The following ANO5 variants were observed in gnomAD, a reference collection of about 807,000 sequenced individuals.
The protein encoded by ANO5 is anoctamin 5.
In ANO5, 109 loss-of-function variants were observed where a neutral mutation model predicts 121.0. The ratio of observed to expected loss-of-function variants is 0.90; its 90% CI spans 0.77 to 1.06. ANO5 has a LOEUF of 1.06. Ranked by LOEUF, ANO5 falls within the 50% of genes least tolerant of loss-of-function variation. ANO5 has a pLI of 0.00. For missense variants in ANO5, 1,064 were observed against 1,078.5 expected, an observed-to-expected ratio of 0.99 and a Z score of 0.19; for synonymous variants, 406 against 359.9, an observed-to-expected ratio of 1.13 and a Z score of -1.45.
At chr11:22,216,924 A>G (rs997829828) in intron 3 of ANO5, among the ~76,000 whole-genome samples, 4 of 151,934 alleles carry the variant, frequency 2.6e-5, no homozygotes, top group African/African-American at 9.7e-5. Flanking sequence ...TTTAGGGAAA[A>G]CATCTGAGAA....
intron 7 of ANO5, among the ~76,000 whole-genome samples, chr11:22,234,313 C>A (rs952319323): frequency 6.6e-6 from 1 of 152,040 alleles, no homozygotes; most frequent in African/African-American, 2.4e-5. Flanking sequence ...TTGACATTAT[C>A]TCATCCCTTC....
intron 18 of ANO5, among the ~76,000 whole-genome samples, chr11:22,271,342 C>T (rs1216108960): frequency 6.6e-6 from 1 of 152,172 alleles, no homozygotes; most frequent in East Asian, 1.9e-4. Context: ...GCCACAGCGC[C>T]CAGCCAGGAA....
intron 7 of ANO5, among the ~76,000 whole-genome samples, chr11:22,234,642 A>T (rs1274047582): frequency 6.6e-6 from 1 of 152,018 alleles, no homozygotes; most frequent in Non-Finnish European, 1.5e-5. Flanking sequence ...ACCCCTTTGT[A>T]CTCCAAGAAA....
chr11:22,210,048 T>C (rs1354730338), intron 2 of ANO5, among the ~76,000 whole-genome samples: 3 of 151,984 alleles, frequency 2.0e-5, no homozygotes, highest in Middle Eastern at 3.2e-3. Flanking sequence ...ATTTGCTATC[T>C]GTTGTATTTA....
rs146775652 is a variant in ANO5, at chr11:22,220,045, T to C, written c.181-1052T>C. 6.8e-3 allele frequency among the ~76,000 whole-genome samples: 1,031 copies of C among 152,040 alleles called. 9 individuals carry two copies. Among genetic ancestry groups the C allele is most frequent in the African/African-American group, 0.023 (975 of 41,540 alleles). On this transcript the variant is annotated intron_variant, in intron 4 of 21. Transcript: ENST00000324559. The stretch of plus-strand genomic sequence containing the variant: ...GACCACAGATCAAACATGAGACTTA[T>C]GGCTTATTTGCATATAACTGATCCT...
intron 13 of ANO5, among the ~76,000 whole-genome samples, chr11:22,256,471 A>C (rs1439953691): frequency 6.6e-6 from 1 of 152,216 alleles, no homozygotes; most frequent in Non-Finnish European, 1.5e-5. Flanking sequence ...CAGAAAATAC[A>C]TTAACAATGT....
At chr11:22,250,701 C>A (rs763305690) in intron 10 of ANO5, 40 bp from the exon 11 acceptor site, 2 of 1,576,736 alleles carry the variant, frequency 1.3e-6, no homozygotes, top group East Asian at 4.5e-5. Context: ...TTTACCTAAA[C>A]ACCTATCACT....
At chr11:22,278,998 G>A (rs2133808967) in intron 21 of ANO5, among the ~76,000 whole-genome samples, 1 of 151,708 alleles carries the variant, frequency 6.6e-6, no homozygotes, top group African/African-American at 2.4e-5. Context: ...CCAGGGTATA[G>A]CATGGAGTGA....
At chr11:22,223,694 T>C (rs1386410053) in intron 5 of ANO5, among the ~76,000 whole-genome samples, 1 of 152,028 alleles carries the variant, frequency 6.6e-6, no homozygotes, top group Non-Finnish European at 1.5e-5. Flanking sequence ...TTATTAACTC[T>C]TTTCTGTATA....
intron 1 of ANO5, among the ~76,000 whole-genome samples, chr11:22,194,590 G>T (rs1163294096): frequency 2.0e-5 from 3 of 152,038 alleles, no homozygotes; most frequent in African/African-American, 7.2e-5. Context: ...AAACCTCTTA[G>T]GCAGTCACTT....
At chr11:22,270,468 CAT>C (rs749562760) in intron 18 of ANO5, 26 bp downstream of exon 18, 6 of 1,613,308 alleles carry the variant, frequency 3.7e-6, no homozygotes, top group South Asian at 2.2e-5. Context: ...TGTTTTGAAA[CAT>C]AGAGTTGGCA....
chr11:22,203,231 C>G (rs1037915571), intron 1 of ANO5, among the ~76,000 whole-genome samples: 5 of 152,100 alleles, frequency 3.3e-5, no homozygotes, highest in African/African-American at 1.2e-4. Context: ...GTTGGAACCA[C>G]TAGAAAATAA....
At chr11:22,275,783 A>C (rs1371348004) in intron 20 of ANO5, among the ~76,000 whole-genome samples, 1 of 151,844 alleles carries the variant, frequency 6.6e-6, no homozygotes, top group Non-Finnish European at 1.5e-5. Flanking sequence ...GGGAGTGTTA[A>C]GGAAGTGGGA....
Position 22,193,453 on chromosome 11 carries a change from C to G in ANO5, c.-40C>G. ...GTCTGTCTCAGCTGCCCCTCTCCTG[C>G]TGCCTCTCAGGCACCAGTGCCATTA... On this transcript the variant is annotated 5_prime_UTR_variant, in exon 1 of 22. Transcript: ENST00000324559. 1 of 1,600,854 alleles carries G rather than the reference C, an allele frequency of 6.2e-7. No individual in the cohort carries two copies. The highest frequency in any genetic ancestry group is 8.5e-7 in the Non-Finnish European group (1 of 1,174,382).
intron 17 of ANO5, among the ~76,000 whole-genome samples, chr11:22,269,401 G>A (rs55950341): frequency 7.7e-6 from 1 of 130,560 alleles, no homozygotes; most frequent in Non-Finnish European, 1.6e-5. Flanking sequence ...AAGGAAGGAA[G>A]GAGAAAAAAA....
chr11:22,265,539 A>G lies in ANO5; in HGVS notation c.1898+2496A>G, dbSNP rs539694333. 1.9e-3 allele frequency among the ~76,000 whole-genome samples: 293 copies of G among 152,296 alleles called. 3 individuals are homozygous for G. The highest frequency in any genetic ancestry group is 6.4e-3 in the African/African-American group (268 of 41,590). On this transcript the variant is annotated intron_variant, in intron 17 of 21. Transcript: ENST00000324559. The stretch of plus-strand genomic sequence containing the variant: ...CACAGAATTTGTTAGCTCCAAACAA[A>G]TGAAATTATTTGGTAGACTCTAAAG...
chr11:22,214,747 A>T lies in ANO5; in HGVS notation c.138+3433A>T, dbSNP rs540704429. ...AAGAGGTCAAGGGAGCTCTTTGGTT[A>T]CCTGCACAGGACAAAAAGCAGGGTA... On this transcript the variant is annotated intron_variant, in intron 3 of 21. Coordinates refer to ENST00000324559, the MANE Select transcript of ANO5 (RefSeq NM_213599.3). Among the ~76,000 whole-genome samples the T allele has an allele frequency of 2.7e-4, 41 of 152,042 alleles. No homozygotes were observed. In the East Asian group the frequency reaches 7.8e-3, roughly 29 times the overall value.
intron 9 of ANO5, among the ~76,000 whole-genome samples, chr11:22,246,392 A>G (rs1266745468): frequency 1.3e-5 from 2 of 152,042 alleles, no homozygotes; most frequent in Non-Finnish European, 2.9e-5. Flanking sequence ...TTGTAGCAGC[A>G]GGTGTTGTTT....
rs1223303179 is a variant in ANO5, at chr11:22,280,830, T to A, written c.*1065T>A. On this transcript the variant is annotated 3_prime_UTR_variant, in exon 22 of 22. Coordinates refer to ENST00000324559, the MANE Select transcript of ANO5 (RefSeq NM_213599.3). The stretch of plus-strand genomic sequence containing the variant: ...TCCAATACCTCTGACACACAAGAAG[T>A]CATGTTGTTAGCTAGTGATTTGATG... 1 of 151,950 alleles carries A rather than the reference T, an allele frequency of 6.6e-6. No homozygotes were observed. Among genetic ancestry groups the A allele is most frequent in the African/African-American group, 2.4e-5 (1 of 41,428 alleles). 9.4% of individuals were successfully genotyped at this position (151,950 alleles called of 1,614,324 possible). A position where few individuals can be genotyped will look rare whatever the true frequency, so the allele number is the denominator to read the frequency against.
Sources: allele counts gnomAD v4.1 joint callset (sites outside exome capture counted in the v4.1 genomes callset), GRCh38; gene constraint gnomAD v4.1.1; transcripts MANE v1.5; gene names NCBI Gene and HGNC (gene_info 2026-07-23, HGNC 2026-07-21).